The following DENND5A variants were observed in gnomAD, a reference collection of about 807,000 sequenced individuals.
DENND5A encodes the protein DENN domain containing 5A.
A neutral mutation model predicts 140.3 loss-of-function variants in DENND5A; 64 were observed. The observed-to-expected ratio is 0.46, with a 90% confidence interval of 0.37 to 0.56. DENND5A has a LOEUF of 0.56. DENND5A is among the 20% of genes least tolerant of loss of function. The pLI is 0.00. For synonymous variants in DENND5A, 605 were observed against 607.7 expected (o/e 1.00, Z 0.07); for missense variants, 1,292 against 1,593.8 (o/e 0.81, Z 3.22).
rs1852390768 is a variant in DENND5A, at chr11:9,265,129, G to GCGCC, written c.-64_-61dup. The GCGCC allele has an allele frequency of 1.9e-6, 2 of 1,041,660 alleles. No homozygotes were observed. The highest frequency in any genetic ancestry group is 2.4e-6 in the Non-Finnish European group (2 of 843,810). The allele number at this position is 1,041,660 out of a possible 1,614,324, so 64.5% of individuals were successfully genotyped here. On this transcript the variant is annotated 5_prime_UTR_variant, in exon 1 of 23. Transcript: ENST00000328194. This position sits in a 1 kb window ranked among gnomAD's most constrained non-coding sequence, Gnocchi z 4.7. ...GCGGCACCGAGCCCCCGCAACCCGG[G>GCGCC]CGCCCGCCCGTCCGCCCTCAGGCCG...
At chr11:9,259,503 T>G (rs1852098376) in intron 1 of DENND5A, among the ~76,000 whole-genome samples, 1 of 151,804 alleles carries the variant, frequency 6.6e-6, no homozygotes, top group Non-Finnish European at 1.5e-5. Context: ...GAGGCGGAGT[T>G]TGCAGTGAGC....
rs1008295626 is a variant in DENND5A at position 9,144,979 on chromosome 11, C to T, written c.3122+16G>A. On this transcript the variant is annotated intron_variant, in intron 18 of 22. Transcript: ENST00000328194. ...ACACCTTGCCCCTCTACCTTACAGC[C>T]TGAGGGTATACTTACTTGTAGGTAT... 6.4e-7 allele frequency: 1 copy of T among 1,560,010 alleles called. No homozygotes were observed. The highest frequency in any genetic ancestry group is 8.8e-7 in the Non-Finnish European group (1 of 1,130,668).
intron 4 of DENND5A, among the ~76,000 whole-genome samples, chr11:9,198,272 C>T (rs533104049): frequency 1.3e-5 from 2 of 151,458 alleles, no homozygotes; most frequent in Non-Finnish European, 2.9e-5. Flanking sequence ...GTAGTCTCTG[C>T]TCATGTTCTT....
intron 1 of DENND5A, among the ~76,000 whole-genome samples, chr11:9,227,709 A>G (rs1850588551): frequency 6.6e-6 from 1 of 152,024 alleles, no homozygotes; most frequent in Non-Finnish European, 1.5e-5. Context: ...CTGTAATCTA[A>G]CACTATGGGA....
intron 5 of DENND5A, 132 bp downstream of exon 5, chr11:9,193,362 T>G (rs1384477712): frequency 3.1e-6 from 2 of 638,384 alleles, no homozygotes; most frequent in African/African-American, 1.9e-5. Context: ...ACTTTTTTCC[T>G]GAGAAGTTAT....
At chr11:9,253,384 AG>A (rs1477097466) in intron 1 of DENND5A, among the ~76,000 whole-genome samples, 1 of 152,156 alleles carries the variant, frequency 6.6e-6, no homozygotes, top group East Asian at 1.9e-4. Flanking sequence ...AGAAAATTGC[AG>A]GGCCCCAATA....
chr11:9,186,619 A>G (rs1848922226), intron 5 of DENND5A, among the ~76,000 whole-genome samples: 1 of 152,218 alleles, frequency 6.6e-6, no homozygotes, highest in South Asian at 2.1e-4. Flanking sequence ...AAAACTCCAA[A>G]TGCTGTGTCC....
At chr11:9,225,654 C>T (rs746689874) in intron 1 of DENND5A, among the ~76,000 whole-genome samples, 6 of 152,090 alleles carry the variant, frequency 3.9e-5, no homozygotes, top group Non-Finnish European at 7.4e-5. Context: ...TCTGGCTACT[C>T]GGGTGGCTGA....
intron 1 of DENND5A, among the ~76,000 whole-genome samples, chr11:9,212,011 T>C (rs1414257540): frequency 4.1e-5 from 6 of 147,442 alleles, no homozygotes. Flanking sequence ...AGATTGGAAA[T>C]GACAGGAGAG....
intron 4 of DENND5A, among the ~76,000 whole-genome samples, chr11:9,200,735 G>C (rs191774619): frequency 6.6e-6 from 1 of 152,188 alleles, no homozygotes; most frequent in Non-Finnish European, 1.5e-5. Context: ...TATCTCCTTA[G>C]TTCTAACTGA....
At chr11:9,158,762 T>C (rs2136136300) in intron 12 of DENND5A, among the ~76,000 whole-genome samples, 1 of 152,236 alleles carries the variant, frequency 6.6e-6, no homozygotes, top group African/African-American at 2.4e-5. Flanking sequence ...AGAAAAGATA[T>C]GAGATAAAAA....
In DENND5A at chr11:9,223,521, C is replaced by G. The variant is rs1268396960; in HGVS notation, c.110-15889G>C. ...CACCATTGCACTCCAGCCTGGGCAACAGAGCGAGACTCCATCTCAAAAAAA... is the reference window on the plus strand; with the variant it reads ...CACCATTGCACTCCAGCCTGGGCAAGAGAGCGAGACTCCATCTCAAAAAAA... On this transcript the variant is annotated intron_variant, in intron 1 of 22. Coordinates refer to ENST00000328194, the MANE Select transcript of DENND5A (RefSeq NM_015213.4). Among the ~76,000 whole-genome samples the G allele has an allele frequency of 3.3e-5, 5 of 152,038 alleles. No homozygotes were observed. The South Asian group carries it at 1.0e-3, about 31-fold the overall frequency.
At chr11:9,252,371 A>G (rs7926864) in intron 1 of DENND5A, among the ~76,000 whole-genome samples, 50,544 of 151,088 alleles carry the variant, frequency 0.33, 9,605 homozygotes, top group African/African-American at 0.51. Context: ...GAATTCGGCC[A>G]GGTGCAGTGG....
At chr11:9,162,941 C>G (rs974327100) in intron 11 of DENND5A, among the ~76,000 whole-genome samples, 2 of 150,200 alleles carry the variant, frequency 1.3e-5, no homozygotes, top group African/African-American at 4.9e-5. Flanking sequence ...CAGGCTCAAG[C>G]AATCCCCCCA....
intron 1 of DENND5A, among the ~76,000 whole-genome samples, chr11:9,259,176 C>T (rs568319557): frequency 3.9e-5 from 6 of 151,988 alleles, no homozygotes; most frequent in Non-Finnish European, 8.8e-5. Context: ...AGGAGAATCG[C>T]TTGAGCCCAG....
intron 1 of DENND5A, among the ~76,000 whole-genome samples, chr11:9,251,989 G>T (rs1486172252): frequency 8.1e-6 from 1 of 124,068 alleles, no homozygotes; most frequent in Non-Finnish European, 1.7e-5. Flanking sequence ...ACTCTGTCTC[G>T]CGAAAAAAAA....
intron 1 of DENND5A, among the ~76,000 whole-genome samples, chr11:9,258,249 ATT>A (rs1852035633): frequency 1.3e-5 from 2 of 151,988 alleles, no homozygotes; most frequent in African/African-American, 4.8e-5. Flanking sequence ...TACATTAGGT[ATT>A]TCTCCTAATG....
intron 15 of DENND5A, among the ~76,000 whole-genome samples, chr11:9,147,666 G>T (rs1274197948): frequency 6.6e-6 from 1 of 152,204 alleles, no homozygotes; most frequent in Non-Finnish European, 1.5e-5. Context: ...GAAAGGGCAG[G>T]CTTCTGCTCC....
intron 1 of DENND5A, among the ~76,000 whole-genome samples, chr11:9,261,570 G>C (rs1426699770): frequency 6.6e-6 from 1 of 151,996 alleles, no homozygotes; most frequent in African/African-American, 2.4e-5. Flanking sequence ...TTGAGGTCAA[G>C]AATTCAAGAC....
Sources: gnomAD v4.1 joint callset for allele counts (sites outside exome capture counted in the v4.1 genomes callset) on GRCh38, gnomAD v4.1.1 for gene constraint, Gnocchi (gnomAD v3.1) non-coding constraint, MANE v1.5 for transcripts, NCBI Gene and HGNC (gene_info 2026-07-23, HGNC 2026-07-21) for gene names.